The following AHNAK variants were observed in gnomAD, a reference collection of about 807,000 sequenced individuals.
The protein encoded by AHNAK is AHNAK nucleoprotein, also known as neuroblast differentiation-associated protein AHNAK.
AHNAK carries 23 observed loss-of-function variants against 37.8 expected under a neutral mutation model. That is an observed-to-expected ratio of 0.61 (90% CI 0.44 to 0.86). The LOEUF (loss-of-function observed/expected upper bound fraction) is 0.86, where lower values mean the gene tolerates loss of function less well. AHNAK is among the 40% of genes least tolerant of loss of function. The pLI is 0.00. For synonymous variants in AHNAK, 2,481 were observed against 2,636.3 expected, an observed-to-expected ratio of 0.94 and a Z score of 1.80; for missense variants, 7,411 against 7,319.4, an observed-to-expected ratio of 1.01 and a Z score of -0.46.
rs765711846 is a variant in AHNAK at position 62,542,969 on chromosome 11, T to A, written c.-100+3691A>T. ...GTCGGACCACGCTACTGCAGGGGCG[T>A]GGGGCCAGGCCGCTCCGGCTCTGTC... On this transcript the variant is annotated intron_variant, in intron 1 of 4. Coordinates refer to ENST00000378024, the MANE Select transcript of AHNAK (RefSeq NM_001620.3). Among the ~76,000 whole-genome samples, 47 of 152,058 alleles carry A rather than the reference T, an allele frequency of 3.1e-4. 1 individual carries two copies. The highest frequency in any genetic ancestry group is 2.4e-4 in the Non-Finnish European group (16 of 67,982).
At position 62,520,712 on chromosome 11, in the gene AHNAK, T is replaced by C; in HGVS notation, c.13705A>G (p.Ile4569Val). Residue 4569 changes from isoleucine to valine, a missense_variant, in exon 5 of 5, where the codon ATT becomes GTT. Ile to Val is a conservative substitution (Grantham distance 29, BLOSUM62 3). Transcript: ENST00000378024. ...KVGIDTPDID[I>V]HGPEGKLKGP... is the part of the protein sequence containing the mutation. ...TTCAGTTTCCCTTCTGGACCATGAA[T>C]GTCAATATCAGGAGTGTCAATGCCC... 2 of 1,614,136 alleles carry C rather than the reference T, an allele frequency of 1.2e-6. No individual in the cohort carries two copies. Among genetic ancestry groups the C allele is most frequent in the Non-Finnish European group, 1.7e-6 (2 of 1,180,026 alleles).
In AHNAK at chr11:62,517,507, G is replaced by T. The variant is rs1448348531; in HGVS notation, c.16910C>A (p.Ala5637Asp). 6.2e-7 allele frequency: 1 copy of T among 1,614,062 alleles called. No homozygotes were observed. The highest frequency in any genetic ancestry group is 1.3e-5 in the African/African-American group (1 of 74,920). ...GVKGGQIGLQ[A>D]PGLSVSGPQG... ...AGGCCCAGACACACTCAGCCCAGGA[G>T]CCTGGAGTCCAATCTGACCTCCTTT... Residue 5637 changes from alanine to aspartate, a missense_variant, in exon 5 of 5, where the codon GCT (alanine) becomes GAT (aspartate). Transcript: ENST00000378024.
rs200444167 is a variant in AHNAK, at chr11:62,527,077, T to G, written c.7340A>C (p.His2447Pro). The G allele has an allele frequency of 5.7e-5, 92 of 1,614,032 alleles. No individual in the cohort carries two copies. The highest frequency in any genetic ancestry group is 1.5e-4 in the South Asian group (14 of 91,066). The change falls in exon 5 of 5, where the codon CAT becomes CCT. Residue 2447 changes from histidine to proline, a missense_variant. Transcript: ENST00000378024. ...CATAGAAATATTGGGGGCTTTGAAA[T>G]GCATATCAGGCATCTTGAACTTAGG... ...KGPKFKMPDM[H>P]FKAPNISMPD... is the part of the protein sequence containing the mutation.
In AHNAK at chr11:62,517,569, G is replaced by GC; in HGVS notation, c.16847dup (p.Leu5617ProfsTer44). ...CCACCTTTGGTCCTGAGAAATGAAG[G>GC]CCCCCAGCAAACTTAGATGTGTCCA... On this transcript the variant is annotated frameshift_variant, in exon 5 of 5. Coordinates refer to ENST00000378024, the MANE Select transcript of AHNAK (RefSeq NM_001620.3). LOFTEE classifies it high-confidence loss of function. The GC allele has an allele frequency of 6.2e-7, 1 of 1,614,028 alleles. No individual in the cohort carries two copies. Among genetic ancestry groups the GC allele is most frequent in the Non-Finnish European group, 8.5e-7 (1 of 1,180,020 alleles).
At chr11:62,491,693 C>G (rs780022755) in intron 5 of AHNAK, 28 of 1,542,030 alleles carry the variant, frequency 1.8e-5, no homozygotes, top group Non-Finnish European at 2.5e-5. Flanking sequence ...TTATCATAAT[C>G]AAGGTCATCC....
rs111966997 is a variant in AHNAK at position 62,518,192 on chromosome 11, G to A, written c.16225C>T (p.Pro5409Ser). ...CCCGGAGTAGAGATGCCAAATTGGG[G>A]CAGCTTCATTTTGGGAAGTTTAATG... ...GSIKLPKMKLPQFGISTPGSD... is the reference protein window; with the variant it reads ...GSIKLPKMKLSQFGISTPGSD... The change falls in exon 5 of 5, where the codon CCC (proline) becomes TCC (serine). Residue 5409 changes from proline (P) to serine (S), a missense_variant. Coordinates refer to ENST00000378024, the MANE Select transcript of AHNAK (RefSeq NM_001620.3). 451 of 1,614,158 alleles carry A rather than the reference G, an allele frequency of 2.8e-4. No homozygotes were observed. The African/African-American group carries it at 5.4e-3, about 19-fold the overall frequency.
Position 62,532,381 on chromosome 11 carries a change from T to A in AHNAK, c.2036A>T (p.Lys679Ile), listed in dbSNP as rs1380806152. The change falls in exon 5 of 5, where the codon AAA becomes ATA. Residue 679 changes from lysine (K) to isoleucine (I), a missense_variant. Coordinates refer to ENST00000378024, the MANE Select transcript of AHNAK (RefSeq NM_001620.3). ...PDVNLEGLGG[K>I]LKGPDVKLPD... is the part of the protein sequence containing the mutation. ...CAGCTTAACATCGGGGCCTTTAAGT[T>A]TTCCCCCCAGACCCTCCAAGTTGAC... 1.9e-6 allele frequency: 3 copies of A among 1,614,164 alleles called. No homozygotes were observed. Among genetic ancestry groups the A allele is most frequent in the South Asian group, 1.1e-5 (1 of 91,080 alleles).
intron 5 of AHNAK, among the ~76,000 whole-genome samples, chr11:62,446,880 C>T (rs897361522): frequency 1.3e-5 from 2 of 152,004 alleles, no homozygotes; most frequent in African/African-American, 4.8e-5. Flanking sequence ...AAGTCTCCCC[C>T]AAACTGAAAA....
intron 4 of AHNAK, among the ~76,000 whole-genome samples, chr11:62,497,689 G>A (rs965230564): frequency 1.5e-4 from 23 of 152,264 alleles, no homozygotes; most frequent in Non-Finnish European, 1.5e-4. Flanking sequence ...GGCCAGGCGC[G>A]GTGGTTCACA....
intron 4 of AHNAK, among the ~76,000 whole-genome samples, chr11:62,493,689 T>C (rs75822310): frequency 0.14 from 21,584 of 151,786 alleles, 3,873 homozygotes; most frequent in African/African-American, 0.41. Flanking sequence ...CAGGCTGGTC[T>C]TGAACTCCTG....
At chr11:62,482,561 A>C (rs1416303419) in intron 5 of AHNAK, among the ~76,000 whole-genome samples, 1 of 152,180 alleles carries the variant, frequency 6.6e-6, no homozygotes, top group Non-Finnish European at 1.5e-5. Flanking sequence ...ATCGGGATAT[A>C]ATTGCACCTA....
chr11:62,524,604 G>A lies in AHNAK; in HGVS notation c.9813C>T (p.Gly3271=). ...DVDAPDIDIH[G]PDAKLKGPKL... ...TTGGACCTTTTAATTTGGCATCTGG[G>A]CCATGAATGTCAATATCTGGAGCAT... Residue 3271 remains glycine (G), a synonymous_variant, in exon 5 of 5, where the codon GGC becomes GGT. Coordinates refer to ENST00000378024, the MANE Select transcript of AHNAK (RefSeq NM_001620.3). 1.2e-6 allele frequency: 2 copies of A among 1,614,074 alleles called. No homozygotes were observed. Among genetic ancestry groups the A allele is most frequent in the East Asian group, 2.2e-5 (1 of 44,884 alleles).
At chr11:62,475,954 C>T (rs1025024878) in intron 5 of AHNAK, among the ~76,000 whole-genome samples, 4 of 152,110 alleles carry the variant, frequency 2.6e-5, no homozygotes, top group African/African-American at 9.7e-5. Context: ...TTGCTAATGA[C>T]TTATTACTTG....
chr11:62,487,787 T>C (rs75908182), intron 5 of AHNAK, among the ~76,000 whole-genome samples: 7,685 of 152,280 alleles, frequency 0.05, 658 homozygotes, highest in African/African-American at 0.17. Context: ...GGTTTTTTGA[T>C]ATTAAAAGAA....
intron 5 of AHNAK, among the ~76,000 whole-genome samples, chr11:62,472,426 T>A (rs565566430): frequency 6.6e-6 from 1 of 152,218 alleles, no homozygotes; most frequent in East Asian, 1.9e-4. Context: ...CTCTGAGTTC[T>A]TAGGCTTTTG....
At chr11:62,481,697 C>T (rs138923716) in intron 5 of AHNAK, among the ~76,000 whole-genome samples, 1,599 of 110,356 alleles carry the variant, frequency 0.014, 20 homozygotes, top group African/African-American at 0.041. Flanking sequence ...CCTGCCTCAG[C>T]CTCTTGAGTA....
rs368967935 is a variant in AHNAK at position 62,523,580 on chromosome 11, G to C, written c.10837C>G (p.Pro3613Ala). 2.4e-5 allele frequency: 38 copies of C among 1,613,930 alleles called. No individual in the cohort carries two copies. Among genetic ancestry groups the C allele is most frequent in the African/African-American group, 1.1e-4 (8 of 74,866 alleles). Residue 3613 changes from proline (P) to alanine (A), a missense_variant, in exon 5 of 5, where the codon CCT (proline) becomes GCT (alanine). Pro to Ala is a conservative substitution (Grantham distance 27). Transcript: ENST00000378024. ...TCAGGGCCTTCTCCTTTGAAGCCAG[G>C]CATGCTGAACTTGGGCATTTTCACT... The part of the protein sequence containing the change: ...PKVKMPKFSM[P>A]GFKGEGPEVD...
chr11:62,512,367 C>T (rs1939930369), downstream of AHNAK, among the ~76,000 whole-genome samples: 1 of 152,204 alleles, frequency 6.6e-6, no homozygotes, highest in African/African-American at 2.4e-5. The surrounding 1 kb of genome is among the most constrained non-coding windows in gnomAD (Gnocchi z 4.0). Context: ...GATTCCTCCT[C>T]TACCTCCAGT....
chr11:62,434,339 AC>A (rs1185900673), intron 5 of AHNAK, among the ~76,000 whole-genome samples: 2 of 151,820 alleles, frequency 1.3e-5, no homozygotes, highest in African/African-American at 2.4e-5. Context: ...CTCTTCATGA[AC>A]CCTTTCTGCT....
Sources: allele counts gnomAD v4.1 joint callset (sites outside exome capture counted in the v4.1 genomes callset), GRCh38; gene constraint gnomAD v4.1.1; non-coding constraint Gnocchi (gnomAD v3.1); transcripts MANE v1.5; gene names NCBI Gene and HGNC (gene_info 2026-07-23, HGNC 2026-07-21).